Variants in CNTN3 observed in about 807,000 individuals in gnomAD.
CNTN3 encodes the protein contactin 3.
CNTN3 carries 60 observed loss-of-function variants against 119.1 expected under a neutral mutation model. The observed-to-expected ratio is 0.50, with a 90% CI of 0.41 to 0.62. CNTN3 has a LOEUF of 0.62. Ranked by LOEUF, CNTN3 falls within the 20% of genes least tolerant of loss-of-function variation. The pLI, the probability that CNTN3 is intolerant of heterozygous loss-of-function variation, is 0.00. For missense variants in CNTN3, 1,101 were observed against 1,242.4 expected, an observed-to-expected ratio of 0.89 and a Z score of 1.71; for synonymous variants, 450 against 438.7, an observed-to-expected ratio of 1.03 and a Z score of -0.32.
At chr3:74,441,726 G>A (rs1304731373) in intron 4 of CNTN3, among the ~76,000 whole-genome samples, 2 of 152,090 alleles carry the variant, frequency 1.3e-5, no homozygotes, top group African/African-American at 4.8e-5. Context: ...TATTAAATGG[G>A]TGGTATTATC....
At chr3:74,527,172 T>C (rs1010270366) in intron 1 of CNTN3, among the ~76,000 whole-genome samples, 2 of 151,932 alleles carry the variant, frequency 1.3e-5, no homozygotes, top group East Asian at 3.9e-4. Flanking sequence ...AAAATGGAAA[T>C]AAATCTAAAC....
chr3:74,474,707 C>T (rs1702623009), intron 4 of CNTN3, among the ~76,000 whole-genome samples: 3 of 152,100 alleles, frequency 2.0e-5, no homozygotes, highest in African/African-American at 4.8e-5. Flanking sequence ...GATGTGTGTC[C>T]TTCCCCAAAT....
chr3:74,485,370 C>A (rs1031849682), intron 4 of CNTN3, among the ~76,000 whole-genome samples: 32 of 151,876 alleles, frequency 2.1e-4, no homozygotes, highest in Non-Finnish European at 4.0e-4. Flanking sequence ...ATATAGCTTT[C>A]AAAATATGCA....
chr3:74,385,571 C>G (rs1316347607), intron 5 of CNTN3, among the ~76,000 whole-genome samples: 1 of 152,198 alleles, frequency 6.6e-6, no homozygotes, highest in Non-Finnish European at 1.5e-5. Context: ...TCTTTGTCCT[C>G]TAGGTGTGTG....
chr3:74,592,238 C>T (rs1704715721), intron 1 of CNTN3, among the ~76,000 whole-genome samples: 1 of 151,736 alleles, frequency 6.6e-6, no homozygotes. Flanking sequence ...GATCAGAAGG[C>T]AGACTGGAAG....
chr3:74,334,996 C>T (rs1703356256), intron 12 of CNTN3, 86 bp from the exon 13 acceptor site: 2 of 912,596 alleles, frequency 2.2e-6, no homozygotes, highest in Non-Finnish European at 3.4e-6. Flanking sequence ...CTAACTTATA[C>T]TGTGTATGTC....
chr3:74,538,431 T>G (rs1024813076), intron 1 of CNTN3, among the ~76,000 whole-genome samples: 1 of 152,150 alleles, frequency 6.6e-6, no homozygotes, highest in Non-Finnish European at 1.5e-5. Context: ...TCCCTGTGTA[T>G]GCCTCCTGAG....
chr3:74,509,448 C>A (rs1191849678), intron 2 of CNTN3, among the ~76,000 whole-genome samples: 1 of 152,066 alleles, frequency 6.6e-6, no homozygotes, highest in African/African-American at 2.4e-5. Flanking sequence ...CGGGCACACG[C>A]CATCATGCCC....
chr3:74,509,970 C>T (rs1029204514), intron 2 of CNTN3, among the ~76,000 whole-genome samples: 3 of 151,470 alleles, frequency 2.0e-5, no homozygotes, highest in African/African-American at 7.3e-5. Flanking sequence ...AGATAGTGAC[C>T]ATATTTAACA....
intron 6 of CNTN3, 22 bp downstream of exon 6, chr3:74,371,174 G>C (rs981783881): frequency 2.5e-6 from 4 of 1,575,970 alleles, no homozygotes; most frequent in Non-Finnish European, 3.5e-6. Context: ...GCTCAGAAGT[G>C]CACTTGGAGA....
intron 13 of CNTN3, among the ~76,000 whole-genome samples, chr3:74,306,227 AAAAG>A (rs1213948779): frequency 1.3e-5 from 2 of 148,180 alleles, no homozygotes; most frequent in African/African-American, 2.4e-5. Context: ...AAAAAAAAAA[AAAAG>A]AAACTCGGTA....
chr3:74,545,474 CCAT>C (rs988002760), intron 1 of CNTN3, among the ~76,000 whole-genome samples: 5 of 152,130 alleles, frequency 3.3e-5, no homozygotes, highest in Admixed American at 3.3e-4. Flanking sequence ...AATTCCACCA[CCAT>C]GTCTGAAGTG....
chr3:74,309,256 C>T lies in CNTN3; in HGVS notation c.1669-6449G>A, dbSNP rs989151248. ...GGTAGCTGGGATGACAGGCATGTGC[C>T]ACCATGCCCAGCTAATTTTTGTATT... On this transcript the variant is annotated intron_variant, in intron 13 of 22. Transcript: ENST00000263665. Among the ~76,000 whole-genome samples the T allele has an allele frequency of 2.6e-5, 4 of 152,122 alleles. No individual in the cohort carries two copies. The East Asian group carries it at 7.7e-4, about 29-fold the overall frequency.
At chr3:74,564,663 T>C (rs1447895863) in intron 1 of CNTN3, among the ~76,000 whole-genome samples, 1 of 151,814 alleles carries the variant, frequency 6.6e-6, no homozygotes. Context: ...CCAGTTCTAG[T>C]ACCTGGATCT....
At chr3:74,368,537 G>A (rs1022770441) in intron 8 of CNTN3, among the ~76,000 whole-genome samples, 1 of 151,770 alleles carries the variant, frequency 6.6e-6, no homozygotes, top group African/African-American at 2.4e-5. Context: ...CAAAAACCTA[G>A]TTTTCTTAAA....
chr3:74,341,235 A>G (rs1328578697), intron 11 of CNTN3, among the ~76,000 whole-genome samples: 2 of 152,200 alleles, frequency 1.3e-5, no homozygotes, highest in Non-Finnish European at 2.9e-5. Context: ...TATTCAGTAA[A>G]TGAATGGAGT....
At chr3:74,407,439 T>C (rs1701351378) in intron 5 of CNTN3, among the ~76,000 whole-genome samples, 1 of 149,214 alleles carries the variant, frequency 6.7e-6, no homozygotes, top group Non-Finnish European at 1.5e-5. Context: ...TGGCTAATTT[T>C]TTTTTTTTTT....
chr3:74,582,783 TTGTGTGTGTG>T (rs60306845), intron 1 of CNTN3, among the ~76,000 whole-genome samples: 2 of 145,092 alleles, frequency 1.4e-5, no homozygotes, highest in South Asian at 4.5e-4. Context: ...GTGTATGCAT[TTGTGTGTGTG>T]TGTGTGTGTG....
chr3:74,530,474 C>T (rs1348752713), intron 1 of CNTN3, among the ~76,000 whole-genome samples: 2 of 151,808 alleles, frequency 1.3e-5, no homozygotes. Context: ...TTAAGTTGCA[C>T]TTTAAGGTTA....
Sources: allele counts gnomAD v4.1 joint callset (sites outside exome capture counted in the v4.1 genomes callset), GRCh38; gene constraint gnomAD v4.1.1; transcripts MANE v1.5; gene names NCBI Gene and HGNC (gene_info 2026-07-23, HGNC 2026-07-21).